GGNBP2: variants seen among roughly 807,000 people sequenced by gnomAD.
GGNBP2 encodes gametogenetin-binding protein 2.
Under a neutral mutation model 85.9 loss-of-function variants are expected in GGNBP2, and 10 were observed. The ratio of observed to expected loss-of-function variants is 0.12; its 90% CI spans 0.07 to 0.20. The LOEUF (loss-of-function observed/expected upper bound fraction) is 0.20, where lower values mean the gene tolerates loss of function less well. GGNBP2 is among the 10% of genes least tolerant of loss of function. The pLI, the probability that GGNBP2 is intolerant of heterozygous loss-of-function variation, is 1.00. For missense variants in GGNBP2, 595 were observed against 857.8 expected, an observed-to-expected ratio of 0.69 and a Z score of 3.83; for synonymous variants, 287 against 285.7, an observed-to-expected ratio of 1.00 and a Z score of -0.05.
chr17:36,566,982 A>G (rs979189443), intron 5 of GGNBP2, among the ~76,000 whole-genome samples: 2 of 152,084 alleles, frequency 1.3e-5, no homozygotes, highest in African/African-American at 4.8e-5. Flanking sequence ...GCTGGGCAAC[A>G]TAGTAGAGAC....
chr17:36,567,862 A>G, intron 6 of GGNBP2, 86 bp downstream of exon 6: 1 of 657,764 alleles, frequency 1.5e-6, no homozygotes, highest in East Asian at 2.8e-5. Context: ...ACTCCTTTGT[A>G]TAATAGCATT....
chr17:36,579,124 A>G (rs1306302535), intron 7 of GGNBP2, 121 bp from the exon 8 acceptor site: 1 of 750,194 alleles, frequency 1.3e-6, no homozygotes, highest in African/African-American at 1.7e-5. Context: ...TTGAGTGTAA[A>G]TGTATAACTG....
At chr17:36,546,050 T>A in intron 2 of GGNBP2, 1 of 498,186 alleles carries the variant, frequency 2.0e-6, no homozygotes, top group Non-Finnish European at 3.6e-6. Context: ...ATTTTCCTTC[T>A]TTTGGAACCT....
intron 5 of GGNBP2, among the ~76,000 whole-genome samples, chr17:36,562,094 G>A (rs972032727): frequency 6.6e-6 from 1 of 152,148 alleles, no homozygotes; most frequent in Non-Finnish European, 1.5e-5. Flanking sequence ...GGAGTGTGAA[G>A]GGACTTTCTA....
At chr17:36,575,463 A>G (rs1231746878) in intron 6 of GGNBP2, 1 of 162,692 alleles carries the variant, frequency 6.1e-6, no homozygotes, top group Admixed American at 6.4e-5. Flanking sequence ...TATGGTTTTC[A>G]GATGTTAACA....
rs1393161237 is a variant in GGNBP2 at position 36,575,633 on chromosome 17, TATATATATATATATA to T, written c.642-2349_642-2335del. 3.5e-4 allele frequency among the ~76,000 whole-genome samples: 17 copies of T among 48,188 alleles called. 1 individual carries two copies. Among genetic ancestry groups the T allele is most frequent in the African/African-American group, 1.2e-3 (14 of 11,288 alleles). 31.6% of individuals were successfully genotyped at this position (48,188 alleles called of 152,430 possible). A position where few individuals can be genotyped will look rare whatever the true frequency, so the allele number is the denominator to read the frequency against. ...TGTAACATATATATATATATATATA[TATATATATATATATA>T]TTTTTTTTTTTTTTTGAGATGGAGT... is the stretch of plus-strand genomic sequence containing the variant. On this transcript the variant is annotated intron_variant, in intron 6 of 13. Coordinates refer to ENST00000613102, the MANE Select transcript of GGNBP2 (RefSeq NM_024835.5).
chr17:36,547,628 A>T (rs993281065), intron 2 of GGNBP2: 1 of 152,240 alleles, frequency 6.6e-6, no homozygotes, highest in African/African-American at 2.4e-5. Flanking sequence ...ACTGAAAAAG[A>T]TGTAACCTTG....
intron 4 of GGNBP2, among the ~76,000 whole-genome samples, chr17:36,558,401 T>TAA (rs1029348446): frequency 2.2e-5 from 1 of 45,558 alleles, no homozygotes; most frequent in Non-Finnish European, 3.9e-5. Context: ...GCAACAAGAG[T>TAA]AAAGCTCCAT....
intron 2 of GGNBP2, among the ~76,000 whole-genome samples, chr17:36,553,348 T>C (rs2074329287): frequency 6.6e-6 from 1 of 152,230 alleles, no homozygotes; most frequent in African/African-American, 2.4e-5. Flanking sequence ...CTGTACTTCA[T>C]ATATCTCATA....
chr17:36,583,299 G>C (rs942294740), intron 9 of GGNBP2, among the ~76,000 whole-genome samples: 3 of 151,924 alleles, frequency 2.0e-5, no homozygotes, highest in Non-Finnish European at 4.4e-5. Flanking sequence ...TGATCCGCCC[G>C]CCTCAGCCTC....
chr17:36,546,299 A>G (rs2074254671), intron 2 of GGNBP2: 2 of 235,882 alleles, frequency 8.5e-6, no homozygotes, highest in Middle Eastern at 1.3e-3. Flanking sequence ...ATGCTCGTGC[A>G]CAGTCAAGAT....
intron 6 of GGNBP2, among the ~76,000 whole-genome samples, chr17:36,568,192 A>G (rs962559369): frequency 7.9e-5 from 12 of 151,728 alleles, no homozygotes; most frequent in Middle Eastern, 3.4e-3. Context: ...CCAAAGTGCT[A>G]GGATTACAGG....
chr17:36,545,659 A>G lies in GGNBP2; in HGVS notation c.-66A>G. On this transcript the variant is annotated 5_prime_UTR_variant, in exon 2 of 14. Coordinates refer to ENST00000613102, the MANE Select transcript of GGNBP2 (RefSeq NM_024835.5). ...AGGCGGCAGCGGCGGCGGCAGAAACAGCAGCGGCGGCGGCGGCGGCAGCTG... is the reference window on the plus strand; with the variant it reads ...AGGCGGCAGCGGCGGCGGCAGAAACGGCAGCGGCGGCGGCGGCGGCAGCTG... 5 of 1,280,502 alleles carry G rather than the reference A, an allele frequency of 3.9e-6. No homozygotes were observed. The highest frequency in any genetic ancestry group is 5.5e-6 in the Non-Finnish European group (5 of 903,186). The allele number at this position is 1,280,502 out of a possible 1,614,324, so 79.3% of individuals were successfully genotyped here. A position where few individuals can be genotyped will look rare whatever the true frequency, so the allele number is the denominator to read the frequency against.
intron 5 of GGNBP2, 32 bp downstream of exon 5, chr17:36,560,903 C>T: frequency 9.2e-7 from 1 of 1,089,080 alleles, no homozygotes; most frequent in South Asian, 1.4e-5. Context: ...GAGGCTTTGT[C>T]ATTGTTAAGA....
At chr17:36,575,164 C>T in intron 6 of GGNBP2, 1 of 663,192 alleles carries the variant, frequency 1.5e-6, no homozygotes, top group Non-Finnish European at 2.7e-6. Flanking sequence ...TAGGCATCCA[C>T]TCTTTATCCT....
intron 2 of GGNBP2, chr17:36,546,257 C>T (rs1183872607): frequency 6.6e-6 from 2 of 302,240 alleles, no homozygotes; most frequent in Non-Finnish European, 1.2e-5. Context: ...TAGCTCTCAC[C>T]ACATAAGCTT....
intron 6 of GGNBP2, among the ~76,000 whole-genome samples, chr17:36,571,503 T>C (rs1223388853): frequency 2.6e-5 from 4 of 151,738 alleles, no homozygotes; most frequent in Admixed American, 1.3e-4. Flanking sequence ...GAGCCAAGAT[T>C]ACGCCATTTG....
At chr17:36,582,544 A>G (rs1448252235) in intron 9 of GGNBP2, 1 of 152,178 alleles carries the variant, frequency 6.6e-6, no homozygotes, top group African/African-American at 2.4e-5. Context: ...ACCCACAGAT[A>G]TGGAGGGTTA....
At chr17:36,545,858 C>A in intron 2 of GGNBP2, 41 bp downstream of exon 2, 3 of 1,404,906 alleles carry the variant, frequency 2.1e-6, no homozygotes, top group Non-Finnish European at 2.0e-6. Context: ...GCTCCCCTGG[C>A]AGCTGTTTCC....
Sources: gnomAD v4.1 joint callset for allele counts (sites outside exome capture counted in the v4.1 genomes callset) on GRCh38, gnomAD v4.1.1 for gene constraint, MANE v1.5 for transcripts, NCBI Gene and HGNC (gene_info 2026-07-23, HGNC 2026-07-21) for gene names.